The following PRKG1 variants were observed in gnomAD, a reference collection of about 807,000 sequenced individuals.
PRKG1 encodes cGMP-dependent protein kinase 1.
A neutral mutation model predicts 88.1 loss-of-function variants in PRKG1; 35 were observed. That is an observed-to-expected ratio of 0.40 (90% confidence interval 0.30 to 0.53). The LOEUF is 0.53. PRKG1 is among the 20% of genes least tolerant of loss of function. The probability of loss-of-function intolerance (pLI) is 0.59; values close to 1 mark genes in which losing one functional copy is unlikely to be tolerated. For synonymous variants in PRKG1, 303 were observed against 292.5 expected (o/e 1.04, Z -0.37); for missense variants, 540 against 839.8 (o/e 0.64, Z 4.41).
intron 1 of PRKG1, among the ~76,000 whole-genome samples, chr10:51,094,192 T>C (rs986905929): frequency 6.6e-6 from 1 of 151,998 alleles, no homozygotes; most frequent in African/African-American, 2.4e-5. Flanking sequence ...AGAAAACACT[T>C]ATGCAGTGTT....
At chr10:51,215,949 A>T (rs1838361049) in intron 2 of PRKG1, among the ~76,000 whole-genome samples, 1 of 152,220 alleles carries the variant, frequency 6.6e-6, no homozygotes, top group African/African-American at 2.4e-5. Flanking sequence ...ACATTAGAGG[A>T]GAGAGAATAA....
chr10:51,565,629 A>G lies in PRKG1; in HGVS notation c.592+97793A>G, dbSNP rs372471448. Among the ~76,000 whole-genome samples, 7 of 152,230 alleles carry G rather than the reference A, an allele frequency of 4.6e-5. No individual in the cohort carries two copies. In the East Asian group the frequency reaches 7.7e-4, roughly 17 times the overall value. On this transcript the variant is annotated intron_variant, in intron 3 of 17. Transcript: ENST00000373980. ...AGTGGATATGAACTTGAACTAGAGTATATCCAATGTGCAAACTAATTGTAG... is the reference window on the plus strand; with the variant it reads ...AGTGGATATGAACTTGAACTAGAGTGTATCCAATGTGCAAACTAATTGTAG...
chr10:51,409,236 T>G (rs1261763413), intron 2 of PRKG1, among the ~76,000 whole-genome samples: 1 of 152,144 alleles, frequency 6.6e-6, no homozygotes, highest in East Asian at 1.9e-4. Flanking sequence ...TAGTCTTGTC[T>G]TCCTCTGTCA....
intron 2 of PRKG1, among the ~76,000 whole-genome samples, chr10:51,336,867 A>G (rs1387185108): frequency 6.6e-6 from 1 of 152,230 alleles, no homozygotes; most frequent in African/African-American, 2.4e-5. Flanking sequence ...GCTATTCCCA[A>G]TAAACTACCA....
At chr10:51,000,909 T>C (rs1349222281) in intron 1 of PRKG1, among the ~76,000 whole-genome samples, 1 of 152,218 alleles carries the variant, frequency 6.6e-6, no homozygotes, top group African/African-American at 2.4e-5. Flanking sequence ...GTTTGAAGAA[T>C]TCTGGCCGAG....
intron 2 of PRKG1, among the ~76,000 whole-genome samples, chr10:51,399,638 T>C (rs912208173): frequency 3.9e-5 from 6 of 152,044 alleles, no homozygotes; most frequent in Admixed American, 3.3e-4. Context: ...TCATCACTGT[T>C]TTTCTTAGTA....
At chr10:51,113,653 G>T (rs1382612214) in intron 1 of PRKG1, among the ~76,000 whole-genome samples, 1 of 146,190 alleles carries the variant, frequency 6.8e-6, no homozygotes, top group Non-Finnish European at 1.5e-5. Context: ...ACATTAGCAT[G>T]TTGTATATAA....
chr10:51,904,494 G>A (rs571587599), intron 4 of PRKG1, among the ~76,000 whole-genome samples: 27 of 152,156 alleles, frequency 1.8e-4, no homozygotes, highest in African/African-American at 6.5e-4. Context: ...GCTACTAGTA[G>A]ACCAGTCATT....
At chr10:52,246,479 G>A (rs1327388986) in intron 9 of PRKG1, among the ~76,000 whole-genome samples, 1 of 151,988 alleles carries the variant, frequency 6.6e-6, no homozygotes, top group African/African-American at 2.4e-5. Flanking sequence ...CATTTTTATT[G>A]TTTTTAGAGC....
At chr10:51,445,702 C>T (rs1319842739) in intron 2 of PRKG1, among the ~76,000 whole-genome samples, 1 of 151,748 alleles carries the variant, frequency 6.6e-6, no homozygotes, top group Non-Finnish European at 1.5e-5. Context: ...AGAAAAAGGA[C>T]ATTTTATAAC....
intron 7 of PRKG1, among the ~76,000 whole-genome samples, chr10:52,072,109 G>A (rs1846510808): frequency 6.8e-6 from 1 of 147,222 alleles, no homozygotes; most frequent in Admixed American, 6.8e-5. Context: ...CTCCAGCCTT[G>A]GGACCCTTCT....
chr10:52,125,809 A>G (rs1349496297), intron 7 of PRKG1: 1 of 152,166 alleles, frequency 6.6e-6, no homozygotes, highest in Non-Finnish European at 1.5e-5. Flanking sequence ...CAAGTCAATA[A>G]CTTTCACCTT....
At chr10:51,845,002 C>G (rs1490903818) in intron 4 of PRKG1, among the ~76,000 whole-genome samples, 2 of 151,998 alleles carry the variant, frequency 1.3e-5, no homozygotes, top group East Asian at 1.9e-4. Context: ...CTGTTTTTAT[C>G]TGATTCTTCT....
intron 5 of PRKG1, among the ~76,000 whole-genome samples, chr10:51,921,173 T>C (rs1344411498): frequency 2.0e-5 from 3 of 152,140 alleles, no homozygotes; most frequent in African/African-American, 7.2e-5. Context: ...GTAGTTTTGC[T>C]AATATACATG....
In PRKG1 at chr10:51,448,978, G is replaced by A. The variant is rs561380631; in HGVS notation, c.479-18745G>A. 2.7e-4 allele frequency among the ~76,000 whole-genome samples: 41 copies of A among 152,028 alleles called. 3 individuals carry two copies. Among genetic ancestry groups the A allele is most frequent in the Non-Finnish European group, 2.6e-4 (18 of 67,946 alleles). ...AAACTGATTTATTAAAACATGCTAT[G>A]TGTCCAAAAATAAAGACCAAAATGA... On this transcript the variant is annotated intron_variant, in intron 2 of 17. Coordinates refer to ENST00000373980, the MANE Select transcript of PRKG1 (RefSeq NM_006258.4).
intron 3 of PRKG1, among the ~76,000 whole-genome samples, chr10:51,632,467 A>G (rs1839551599): frequency 6.6e-6 from 1 of 152,200 alleles, no homozygotes; most frequent in Non-Finnish European, 1.5e-5. Context: ...ATCGCAGTCA[A>G]GTACAGATAG....
intron 2 of PRKG1, among the ~76,000 whole-genome samples, chr10:51,351,969 C>T (rs942643689): frequency 4.6e-5 from 7 of 152,154 alleles, no homozygotes; most frequent in Admixed American, 1.3e-4. Flanking sequence ...TATGGCTAGC[C>T]GTTTCTCCCA....
rs1841687403 is a variant in PRKG1, at chr10:51,709,383, T to C, written c.593-95202T>C. Among the ~76,000 whole-genome samples, 3 of 152,222 alleles carry C rather than the reference T, an allele frequency of 2.0e-5. No homozygotes were observed. In the South Asian group the frequency reaches 6.2e-4, roughly 31 times the overall value. On this transcript the variant is annotated intron_variant, in intron 3 of 17. Coordinates refer to ENST00000373980, the MANE Select transcript of PRKG1 (RefSeq NM_006258.4). ...ACAATTCTTTCAGTTATTATCATCT[T>C]TATCACTATCATCTGACATTTATGC...
At chr10:51,297,909 T>C (rs1278907956) in intron 2 of PRKG1, among the ~76,000 whole-genome samples, 1 of 152,132 alleles carries the variant, frequency 6.6e-6, no homozygotes, top group African/African-American at 2.4e-5. Flanking sequence ...AAGCAGTTCT[T>C]AACCCTAACA....
Sources: allele counts gnomAD v4.1 joint callset (sites outside exome capture counted in the v4.1 genomes callset), GRCh38; gene constraint gnomAD v4.1.1; transcripts MANE v1.5; gene names NCBI Gene and HGNC (gene_info 2026-07-23, HGNC 2026-07-21).